The following DOK5 variants were observed in gnomAD, a reference collection of about 807,000 sequenced individuals.
DOK5 encodes the protein downstream of tyrosine kinase 5.
A neutral mutation model predicts 43.3 loss-of-function variants in DOK5; 27 were observed. The ratio of observed to expected loss-of-function variants is 0.62; its 90% CI spans 0.46 to 0.86. DOK5 has a LOEUF of 0.86. Among genes scored for constraint, DOK5 ranks in the 40% least tolerant of loss-of-function variants. The probability of loss-of-function intolerance (pLI) is 0.00; values close to 1 mark genes in which losing one functional copy is unlikely to be tolerated. For synonymous variants in DOK5, 146 were observed against 140.1 expected (o/e 1.04, Z -0.30); for missense variants, 373 against 392.9 (o/e 0.95, Z 0.43).
At chr20:54,584,761 A>G (rs1170282559) in intron 2 of DOK5, among the ~76,000 whole-genome samples, 1 of 139,180 alleles carries the variant, frequency 7.2e-6, no homozygotes, top group East Asian at 2.0e-4. Context: ...GTGTGTGTAT[A>G]TATATCTAGA....
rs139552628 is a variant in DOK5 at position 54,486,325 on chromosome 20, G to GATATGTCTAT, written c.66+10332_66+10341dup. The stretch of plus-strand genomic sequence containing the variant: ...TCTATATGCCTTATATATGTACAGT[G>GATATGTCTAT]ATATGTCTATATATGTCTATATATG... On this transcript the variant is annotated intron_variant, in intron 1 of 7. Coordinates refer to ENST00000262593, the MANE Select transcript of DOK5 (RefSeq NM_018431.5). 2.6e-5 allele frequency among the ~76,000 whole-genome samples: 4 copies of GATATGTCTAT among 151,520 alleles called. No homozygotes were observed. In the South Asian group the frequency reaches 6.2e-4, roughly 24 times the overall value.
rs555587282 is a variant in DOK5 at position 54,609,180 on chromosome 20, A to AG, written c.600-1208_600-1207insG. ...CATAGACTGGGCTAGACTAAAAAAA[A>AG]TAACAGTGGTTTAGGCTGAGAATTT... On this transcript the variant is annotated intron_variant, in intron 5 of 7. Coordinates refer to ENST00000262593, the MANE Select transcript of DOK5 (RefSeq NM_018431.5). Among the ~76,000 whole-genome samples, 46 of 152,346 alleles carry AG rather than the reference A, an allele frequency of 3.0e-4. No homozygotes were observed. The East Asian group carries it at 8.9e-3, about 29-fold the overall frequency.
Position 54,515,155 on chromosome 20 carries a change from C to A in DOK5, c.66+39143C>A, listed in dbSNP as rs541908188. The stretch of plus-strand genomic sequence containing the variant: ...CCTCCCGAGTAGCTGGGATTACAGG[C>A]GCCCGCCACCACACCCAGCTAAATT... On this transcript the variant is annotated intron_variant, in intron 1 of 7. Coordinates refer to ENST00000262593, the MANE Select transcript of DOK5 (RefSeq NM_018431.5). Among the ~76,000 whole-genome samples, 4 of 151,904 alleles carry A rather than the reference C, an allele frequency of 2.6e-5. No homozygotes were observed. The East Asian group carries it at 7.8e-4, about 29-fold the overall frequency.
rs1011030736 is a variant in DOK5 at position 54,588,794 on chromosome 20, A to C, written c.397A>C (p.Arg133=). The C allele has an allele frequency of 6.2e-7, 1 of 1,613,844 alleles. No individual in the cohort carries two copies. Among genetic ancestry groups the C allele is most frequent in the African/African-American group, 1.3e-5 (1 of 74,920 alleles). ...EPDLLATGVE[R]EQSERFNVYL... ...TGACTTACTGGCCACTGGGGTTGAG[A>C]GAGAACAGAGTGGTATGTAAAGAAA... Residue 133 remains arginine, a synonymous_variant, in exon 4 of 8, where the codon AGA becomes CGA. Coordinates refer to ENST00000262593, the MANE Select transcript of DOK5 (RefSeq NM_018431.5).
chr20:54,543,226 A>G lies in DOK5; in HGVS notation c.67-11707A>G, dbSNP rs953093557. ...AAATGAAGGAACAACGTTGAATATT[A>G]TAACTAGTTCAAAGGGTAATTCAAA... On this transcript the variant is annotated intron_variant, in intron 1 of 7. Transcript: ENST00000262593. 7.9e-5 allele frequency among the ~76,000 whole-genome samples: 12 copies of G among 152,100 alleles called. 1 individual carries two copies. The highest frequency in any genetic ancestry group is 6.5e-5 in the Admixed American group (1 of 15,268).
intron 6 of DOK5, among the ~76,000 whole-genome samples, chr20:54,634,267 A>C (rs1444090955): frequency 6.8e-6 from 1 of 147,948 alleles, no homozygotes; most frequent in Non-Finnish European, 1.5e-5. Flanking sequence ...GAGTATTGGG[A>C]AGTTTTTACA....
In DOK5 at chr20:54,588,612, G is replaced by C. The variant is rs780181030; in HGVS notation, c.289+15G>C. ...TTGCGAATCAGGTTTGTCTCAGGCA[G>C]GGCTGGGGGGCTTTTGCTTTTAGAT... On this transcript the variant is annotated intron_variant, in intron 3 of 7. Coordinates refer to ENST00000262593, the MANE Select transcript of DOK5 (RefSeq NM_018431.5). 4 of 1,614,082 alleles carry C rather than the reference G, an allele frequency of 2.5e-6. No homozygotes were observed. The African/African-American group carries it at 4.0e-5, about 16-fold the overall frequency.
intron 6 of DOK5, among the ~76,000 whole-genome samples, chr20:54,634,510 C>T (rs13039829): frequency 2.2e-5 from 3 of 134,550 alleles, no homozygotes; most frequent in Non-Finnish European, 4.6e-5. Flanking sequence ...GGTGCGATCT[C>T]GGCTCACTAC....
intron 6 of DOK5, among the ~76,000 whole-genome samples, chr20:54,637,849 G>C (rs6064095): frequency 1.3e-5 from 2 of 151,978 alleles, no homozygotes; most frequent in Non-Finnish European, 2.9e-5. Flanking sequence ...TTGGCCGGGC[G>C]CGGTGGCTCA....
chr20:54,621,318 G>A (rs962164469), intron 6 of DOK5, among the ~76,000 whole-genome samples: 20 of 152,314 alleles, frequency 1.3e-4, no homozygotes, highest in Middle Eastern at 3.4e-3. Context: ...AGAAACAGTG[G>A]TTGAGTTTCT....
At chr20:54,591,863 T>G in intron 5 of DOK5, 58 bp downstream of exon 5, 1 of 1,492,640 alleles carries the variant, frequency 6.7e-7, no homozygotes, top group South Asian at 1.2e-5. Context: ...GTGTTCATTT[T>G]TACCATGCTC....
Position 54,555,273 on chromosome 20 carries a change from C to T in DOK5, c.174+233C>T, listed in dbSNP as rs1984670525. 1.1e-5 allele frequency: 5 copies of T among 462,560 alleles called. No homozygotes were observed. In the South Asian group the frequency reaches 1.1e-4, roughly 10 times the overall value. The allele number at this position is 462,560 out of a possible 1,614,324, so 28.7% of individuals were successfully genotyped here. On this transcript the variant is annotated intron_variant, in intron 2 of 7. Coordinates refer to ENST00000262593, the MANE Select transcript of DOK5 (RefSeq NM_018431.5). Reference sequence around the variant, plus strand: ...GTAGCTGTTCTTGCTGTTTTCCAGTCTCTGCTATGGGACTTATCATGTTGT... The same window carrying T: ...GTAGCTGTTCTTGCTGTTTTCCAGTTTCTGCTATGGGACTTATCATGTTGT...
intron 3 of DOK5, 30 bp from the exon 4 acceptor site, chr20:54,588,657 C>T: frequency 6.2e-7 from 1 of 1,614,052 alleles, no homozygotes; most frequent in African/African-American, 1.3e-5. Context: ...ATGCTGGGCA[C>T]ACAGTTTAAT....
intron 5 of DOK5, among the ~76,000 whole-genome samples, chr20:54,594,042 T>C (rs1986060367): frequency 6.6e-6 from 1 of 152,006 alleles, no homozygotes; most frequent in Admixed American, 6.6e-5. Context: ...AAATAATGGA[T>C]ACTAAGCTTA....
chr20:54,531,895 A>G (rs544214019), intron 1 of DOK5, among the ~76,000 whole-genome samples: 11 of 152,210 alleles, frequency 7.2e-5, no homozygotes, highest in Admixed American at 1.3e-4. Context: ...GTCTAAAGAG[A>G]GATAATTATA....
intron 7 of DOK5, among the ~76,000 whole-genome samples, chr20:54,645,565 G>A (rs1479324253): frequency 1.3e-5 from 2 of 152,002 alleles, no homozygotes; most frequent in Admixed American, 6.5e-5. Context: ...TCACCTCCAG[G>A]TCTCACCTCC....
intron 1 of DOK5, among the ~76,000 whole-genome samples, chr20:54,481,050 TGTCTATC>T (rs1568746378): frequency 7.7e-4 from 91 of 117,838 alleles, no homozygotes; most frequent in Middle Eastern, 4.2e-3. Flanking sequence ...ATCTATCATC[TGTCTATC>T]ATCTATCTAT....
At chr20:54,635,785 A>G (rs1400115003) in intron 6 of DOK5, among the ~76,000 whole-genome samples, 3 of 152,188 alleles carry the variant, frequency 2.0e-5, no homozygotes, top group Non-Finnish European at 2.9e-5. Context: ...AATATTTTTG[A>G]CAGTACCCTC....
chr20:54,636,058 G>T (rs931286664), intron 6 of DOK5, among the ~76,000 whole-genome samples: 1 of 148,630 alleles, frequency 6.7e-6, no homozygotes, highest in Non-Finnish European at 1.5e-5. Flanking sequence ...AGAGAGGGCC[G>T]GAAGAGAGAC....
Sources: gnomAD v4.1 joint callset for allele counts (sites outside exome capture counted in the v4.1 genomes callset) on GRCh38, gnomAD v4.1.1 for gene constraint, MANE v1.5 for transcripts, NCBI Gene and HGNC (gene_info 2026-07-23, HGNC 2026-07-21) for gene names.